The following NELL2 variants were observed in gnomAD, a reference collection of about 807,000 sequenced individuals.
NELL2 encodes the protein neural EGFL like 2, also known as protein kinase C-binding protein NELL2.
A neutral mutation model predicts 109.6 loss-of-function variants in NELL2; 41 were observed. The observed-to-expected ratio is 0.37, with a 90% CI of 0.29 to 0.49. The LOEUF (loss-of-function observed/expected upper bound fraction) is 0.49, where lower values mean the gene tolerates loss of function less well. Among genes scored for constraint, NELL2 ranks in the 20% least tolerant of loss-of-function variants. The probability of loss-of-function intolerance (pLI) is 0.98; values close to 1 mark genes in which losing one functional copy is unlikely to be tolerated. For synonymous variants in NELL2, 355 were observed against 344.7 expected, an observed-to-expected ratio of 1.03 and a Z score of -0.33; for missense variants, 900 against 1,008.3, an observed-to-expected ratio of 0.89 and a Z score of 1.45.
At chr12:44,704,649 C>T (rs1383202682) in intron 11 of NELL2, among the ~76,000 whole-genome samples, 2 of 152,034 alleles carry the variant, frequency 1.3e-5, no homozygotes, top group African/African-American at 4.8e-5. Context: ...TATAATTCAA[C>T]CAGTTTTAAA....
chr12:44,874,483 T>C (rs1328253180), intron 2 of NELL2, among the ~76,000 whole-genome samples: 3 of 152,228 alleles, frequency 2.0e-5, no homozygotes, highest in Non-Finnish European at 4.4e-5. Context: ...TGGAATTTGC[T>C]TCTGACTGCA....
At chr12:44,722,866 C>T (rs893257247) in intron 9 of NELL2, among the ~76,000 whole-genome samples, 7 of 152,076 alleles carry the variant, frequency 4.6e-5, no homozygotes, top group African/African-American at 1.7e-4. Context: ...ACAATAGATG[C>T]ATATTAAAAT....
At chr12:44,711,150 G>C (rs1023929189) in intron 11 of NELL2, 142 bp downstream of exon 11, 2 of 611,616 alleles carry the variant, frequency 3.3e-6, no homozygotes, top group African/African-American at 1.9e-5. Context: ...GTGCTACTCT[G>C]TGCCAAATTA....
chr12:44,608,635 CATA>C (rs1221794252), intron 14 of NELL2, among the ~76,000 whole-genome samples: 2 of 151,822 alleles, frequency 1.3e-5, no homozygotes, highest in Non-Finnish European at 2.9e-5. Flanking sequence ...TGCATCTGTT[CATA>C]ATTTTCAGAG....
rs1565974434 is a variant in NELL2, at chr12:44,587,309, T to TATATATATA, written c.1663+19859_1663+19860insTATATATAT. ...AATATATATATATATATATATATAT[T>TATATATATA]TTTTTTTAAATATGAAGTTATATAC... On this transcript the variant is annotated intron_variant, in intron 15 of 19. Coordinates refer to ENST00000429094, the MANE Select transcript of NELL2 (RefSeq NM_001145108.2). Among the ~76,000 whole-genome samples, 98 of 69,404 alleles carry TATATATATA rather than the reference T, an allele frequency of 1.4e-3. 1 individual carries two copies. The highest frequency in any genetic ancestry group is 1.9e-3 in the Non-Finnish European group (71 of 37,526). 45.5% of individuals were successfully genotyped at this position (69,404 alleles called of 152,430 possible).
intron 16 of NELL2, among the ~76,000 whole-genome samples, chr12:44,524,263 A>G (rs1941671421): frequency 6.6e-6 from 1 of 152,244 alleles, no homozygotes. Flanking sequence ...TGAAAAGCAA[A>G]CATATCGTGA....
chr12:44,860,780 A>G (rs888424653), intron 2 of NELL2, among the ~76,000 whole-genome samples: 7 of 152,218 alleles, frequency 4.6e-5, no homozygotes, highest in African/African-American at 1.7e-4. Context: ...ACATAACAAT[A>G]TATTCACTGA....
chr12:44,755,809 G>A (rs1428231176), intron 9 of NELL2, among the ~76,000 whole-genome samples: 1 of 152,142 alleles, frequency 6.6e-6, no homozygotes, highest in Non-Finnish European at 1.5e-5. Context: ...AGTTTAGTTA[G>A]TTTTTGATAC....
At chr12:44,602,403 G>T (rs1227900865) in intron 15 of NELL2, among the ~76,000 whole-genome samples, 1 of 152,124 alleles carries the variant, frequency 6.6e-6, no homozygotes, top group Non-Finnish European at 1.5e-5. Context: ...TAAAGAACTA[G>T]AAGCAAAGCT....
At chr12:44,613,708 G>A (rs1364160828) in intron 13 of NELL2, among the ~76,000 whole-genome samples, 3 of 151,932 alleles carry the variant, frequency 2.0e-5, no homozygotes, top group Admixed American at 6.6e-5. Flanking sequence ...CTTTTTAAAC[G>A]ACTGTAGTCT....
At chr12:44,804,925 C>A (rs145379590) in intron 3 of NELL2, among the ~76,000 whole-genome samples, 2,506 of 151,934 alleles carry the variant, frequency 0.016, 35 homozygotes, top group Non-Finnish European at 0.025. Context: ...GTGGAAGATG[C>A]TACTTTTGAT....
intron 16 of NELL2, among the ~76,000 whole-genome samples, chr12:44,527,647 A>C (rs2138998447): frequency 6.6e-6 from 1 of 152,258 alleles, no homozygotes; most frequent in South Asian, 2.1e-4. Flanking sequence ...GAAAAATAGC[A>C]CCTTCTCTGA....
In NELL2 at chr12:44,875,647, G is replaced by A. The variant is rs73281023; in HGVS notation, c.55+168C>T. 1,294 of 1,587,730 alleles carry A rather than the reference G, an allele frequency of 8.1e-4. 8 individuals carry two copies. The African/African-American group carries it at 0.014, about 17-fold the overall frequency. On this transcript the variant is annotated intron_variant, in intron 1 of 19. Coordinates refer to ENST00000429094, the MANE Select transcript of NELL2 (RefSeq NM_001145108.2). ...CGTGATCCGCCTCGCGGTCTCCAAG[G>A]CAAGCACAGAAAAAAAAAAAATCCA...
upstream of NELL2, among the ~76,000 whole-genome samples, chr12:44,915,378 G>A (rs1009480990): frequency 2.0e-5 from 3 of 152,108 alleles, no homozygotes; most frequent in African/African-American, 4.8e-5. Flanking sequence ...ATTGAATTTT[G>A]CTTTATTTCA....
intron 15 of NELL2, among the ~76,000 whole-genome samples, chr12:44,589,782 T>G (rs1383551017): frequency 1.3e-5 from 2 of 152,238 alleles, no homozygotes; most frequent in African/African-American, 4.8e-5. Context: ...CCAACATGCC[T>G]GTTCAAGTTC....
At chr12:44,875,074 A>G in intron 2 of NELL2, 151 bp downstream of exon 2, 1 of 1,012,880 alleles carries the variant, frequency 9.9e-7, no homozygotes, top group South Asian at 1.8e-5. Context: ...TAAAAGAGAT[A>G]GGGATATGTG....
chr12:44,510,589 T>C (rs987827091), intron 19 of NELL2, among the ~76,000 whole-genome samples: 3 of 152,240 alleles, frequency 2.0e-5, no homozygotes, highest in Admixed American at 1.3e-4. Context: ...AGCCAGTATA[T>C]ATCCAAGAAG....
intron 13 of NELL2, among the ~76,000 whole-genome samples, chr12:44,626,813 C>T (rs974285158): frequency 1.3e-5 from 2 of 152,142 alleles, no homozygotes; most frequent in Admixed American, 6.6e-5. Flanking sequence ...GTTATCTTTA[C>T]TTCCAGTCCA....
chr12:44,537,281 CCT>C (rs1942338244), intron 15 of NELL2, among the ~76,000 whole-genome samples: 1 of 151,942 alleles, frequency 6.6e-6, no homozygotes, highest in Admixed American at 6.6e-5. Context: ...TGATAAACAC[CCT>C]CTTTCTCATG....
Sources: allele counts gnomAD v4.1 joint callset (sites outside exome capture counted in the v4.1 genomes callset), GRCh38; gene constraint gnomAD v4.1.1; transcripts MANE v1.5; gene names NCBI Gene and HGNC (gene_info 2026-07-23, HGNC 2026-07-21).